Variants in CAMK2A observed in about 807,000 individuals in gnomAD.
CAMK2A encodes calcium/calmodulin dependent protein kinase II alpha, also known as calcium/calmodulin-dependent protein kinase type II subunit alpha.
Under a neutral mutation model 79.2 loss-of-function variants are expected in CAMK2A, and 7 were observed. The observed-to-expected ratio is 0.09, with a 90% CI of 0.05 to 0.17. CAMK2A has a LOEUF of 0.17. Among genes scored for constraint, CAMK2A ranks in the 10% least tolerant of loss-of-function variants. The pLI, the probability that CAMK2A is intolerant of heterozygous loss-of-function variation, is 1.00. For missense variants in CAMK2A, 214 were observed against 646.4 expected, an observed-to-expected ratio of 0.33 and a Z score of 7.25; for synonymous variants, 242 against 251.7, an observed-to-expected ratio of 0.96 and a Z score of 0.36.
intron 6 of CAMK2A, 149 bp from the exon 7 acceptor site, chr5:150,253,695 GGCT>G (rs1755933518): frequency 1.5e-6 from 1 of 656,864 alleles, no homozygotes; most frequent in Non-Finnish European, 2.7e-6. Flanking sequence ...CCCCGCCTCA[GGCT>G]CCTGAGTCTC....
intron 16 of CAMK2A, among the ~76,000 whole-genome samples, chr5:150,229,213 CCTTT>C (rs1360057199): frequency 4.6e-5 from 7 of 152,204 alleles, no homozygotes; most frequent in Non-Finnish European, 1.0e-4. Flanking sequence ...CCTGCTCTGT[CCTTT>C]CTGTTTGGGT....
chr5:150,287,937 CTGTGTGTGTGTGTGTGTG>C (rs57886187), intron 1 of CAMK2A, among the ~76,000 whole-genome samples: 2 of 140,776 alleles, frequency 1.4e-5, no homozygotes, highest in African/African-American at 5.3e-5. Flanking sequence ...AGGATAGCCT[CTGTGTGTGTGTGTGTGTG>C]TGTGTGTGTG....
At chr5:150,262,340 C>A (rs1459733569) in intron 3 of CAMK2A, among the ~76,000 whole-genome samples, 3 of 152,190 alleles carry the variant, frequency 2.0e-5, no homozygotes, top group Non-Finnish European at 4.4e-5. Context: ...TTTGAGCCCA[C>A]ATCTGTACCT....
Position 150,263,714 on chromosome 5 carries a change from G to A in CAMK2A, c.217+1242C>T, listed in dbSNP as rs80264297. ...CCTTCCACTGGAGCTGGTAGCCTCCGTAAGGACCATAAGATCTTACAGTCA... is the reference window on the plus strand; with the variant it reads ...CCTTCCACTGGAGCTGGTAGCCTCCATAAGGACCATAAGATCTTACAGTCA... On this transcript the variant is annotated intron_variant, in intron 3 of 18. Coordinates refer to ENST00000671881, the MANE Select transcript of CAMK2A (RefSeq NM_015981.4). Among the ~76,000 whole-genome samples the A allele has an allele frequency of 9.6e-3, 1,467 of 152,294 alleles. 31 individuals are homozygous for A. The highest frequency in any genetic ancestry group is 0.033 in the African/African-American group (1,359 of 41,542).
chr5:150,274,246 AG>A (rs1756865203), intron 1 of CAMK2A, among the ~76,000 whole-genome samples: 1 of 152,236 alleles, frequency 6.6e-6, no homozygotes, highest in African/African-American at 2.4e-5. Context: ...TAATTATAAG[AG>A]AACTTGGGGC....
intron 16 of CAMK2A, among the ~76,000 whole-genome samples, chr5:150,229,741 A>C (rs1754760258): frequency 6.6e-6 from 1 of 152,232 alleles, no homozygotes; most frequent in Non-Finnish European, 1.5e-5. Context: ...GATACATTCC[A>C]AGTCCATTCT....
At chr5:150,233,183 G>A (rs185848887) in intron 15 of CAMK2A, among the ~76,000 whole-genome samples, 4 of 152,324 alleles carry the variant, frequency 2.6e-5, no homozygotes, top group African/African-American at 9.6e-5. Flanking sequence ...CAGGCCATGT[G>A]CTATGTGCTT....
chr5:150,228,086 G>A lies in CAMK2A; in HGVS notation c.1237+106C>T, dbSNP rs886779989. On this transcript the variant is annotated intron_variant, in intron 17 of 18. Coordinates refer to ENST00000671881, the MANE Select transcript of CAMK2A (RefSeq NM_015981.4). ...CCACACGGGAGCTTCCTCTTCGCTG[G>A]CTCCTGAGCCGCCCCTGGGGCCCTG... 4.5e-6 allele frequency: 4 copies of A among 895,458 alleles called. No homozygotes were observed. The African/African-American group carries it at 5.0e-5, about 11-fold the overall frequency. The allele number at this position is 895,458 out of a possible 1,614,324, so 55.5% of individuals were successfully genotyped here.
Position 150,273,060 on chromosome 5 carries a change from C to A in CAMK2A, c.157+5G>T, listed in dbSNP as rs1167743096. On this transcript the variant is annotated splice_donor_5th_base_variant and intron_variant, in intron 2 of 18. Coordinates refer to ENST00000671881, the MANE Select transcript of CAMK2A (RefSeq NM_015981.4). The stretch of plus-strand genomic sequence containing the variant: ...GGGTGGGCAGGGTAGAAATCAGGCA[C>A]CTACCTCTGGCTGACAGCTTCTTTG... The A allele has an allele frequency of 6.2e-7, 1 of 1,611,772 alleles. No homozygotes were observed. Among genetic ancestry groups the A allele is most frequent in the Non-Finnish European group, 8.5e-7 (1 of 1,178,196 alleles).
In CAMK2A at chr5:150,261,681, G is replaced by A. The variant is rs145185902; in HGVS notation, c.217+3275C>T. Among the ~76,000 whole-genome samples, 16 of 152,188 alleles carry A rather than the reference G, an allele frequency of 1.1e-4. No individual in the cohort carries two copies. The East Asian group carries it at 3.1e-3, about 29-fold the overall frequency. ...GACACCATATATGTGATATCCACTT[G>A]GAAAGCTAAATAGAAGGACTGGGAA... On this transcript the variant is annotated intron_variant, in intron 3 of 18. Transcript: ENST00000671881.
chr5:150,288,986 T>C lies in CAMK2A; in HGVS notation c.62+578A>G, dbSNP rs541980048. ...CTCCCAACACCCGGGAAGCCTGTCA[T>C]GCTCAGATATTAACCCCTACTGTAC... On this transcript the variant is annotated intron_variant, in intron 1 of 18. Coordinates refer to ENST00000671881, the MANE Select transcript of CAMK2A (RefSeq NM_015981.4). 5.3e-5 allele frequency among the ~76,000 whole-genome samples: 8 copies of C among 152,288 alleles called. No homozygotes were observed. In the South Asian group the frequency reaches 1.7e-3, roughly 32 times the overall value.
chr5:150,258,767 T>C (rs552868089), intron 3 of CAMK2A, among the ~76,000 whole-genome samples: 1 of 152,342 alleles, frequency 6.6e-6, no homozygotes, highest in Admixed American at 6.5e-5. Context: ...GAATTGTTTA[T>C]GGCTGTCGTA....
intron 1 of CAMK2A, among the ~76,000 whole-genome samples, chr5:150,277,094 G>A (rs1024118905): frequency 1.3e-5 from 2 of 152,160 alleles, no homozygotes; most frequent in Non-Finnish European, 1.5e-5. Flanking sequence ...CACATCTGTG[G>A]TCCCAGCTAC....
rs536091525 is a variant in CAMK2A at position 150,245,008 on chromosome 5, G to A, written c.984+153C>T. 1.5e-4 allele frequency among the ~76,000 whole-genome samples: 23 copies of A among 152,070 alleles called. No homozygotes were observed. In the South Asian group the frequency reaches 3.5e-3, roughly 23 times the overall value. ...AACGGTGGGCACCAAAGCCTAGGTCGTGGGTCTGGAGACAGCCTGGCCACA... is the reference window on the plus strand; with the variant it reads ...AACGGTGGGCACCAAAGCCTAGGTCATGGGTCTGGAGACAGCCTGGCCACA... On this transcript the variant is annotated intron_variant, in intron 13 of 18. Transcript: ENST00000671881.
chr5:150,287,477 CTCCCTTG>C (rs1317585576), intron 1 of CAMK2A, among the ~76,000 whole-genome samples: 2 of 152,214 alleles, frequency 1.3e-5, no homozygotes, highest in Admixed American at 6.5e-5. Context: ...CACACCAGGG[CTCCCTTG>C]CCCCTGAAAT....
At chr5:150,281,244 G>C (rs568269259) in intron 1 of CAMK2A, among the ~76,000 whole-genome samples, 253 of 152,310 alleles carry the variant, frequency 1.7e-3, no homozygotes, top group Non-Finnish European at 2.9e-3. Context: ...AGATGAGCTG[G>C]GGGTATTTCA....
chr5:150,265,568 T>C (rs1202669123), intron 2 of CAMK2A, among the ~76,000 whole-genome samples: 1 of 151,998 alleles, frequency 6.6e-6, no homozygotes, highest in East Asian at 1.9e-4. Flanking sequence ...GGATATCTAG[T>C]TCCTTGAGGG....
Position 150,251,747 on chromosome 5 carries a change from C to A in CAMK2A, c.693+3G>T, listed in dbSNP as rs374825436. The A allele has an allele frequency of 1.3e-6, 2 of 1,595,084 alleles. No individual in the cohort carries two copies. The highest frequency in any genetic ancestry group is 1.7e-6 in the Non-Finnish European group (2 of 1,171,452). The stretch of plus-strand genomic sequence containing the variant: ...GGGAGCTGAAGAGAGGAGCGACACT[C>A]ACATCATAGGCGCCGGCTTTGATCT... On this transcript the variant is annotated splice_donor_region_variant and intron_variant, in intron 9 of 18. Coordinates refer to ENST00000671881, the MANE Select transcript of CAMK2A (RefSeq NM_015981.4).
chr5:150,237,371 C>T (rs1215274977), intron 15 of CAMK2A, among the ~76,000 whole-genome samples: 3 of 91,374 alleles, frequency 3.3e-5, no homozygotes, highest in African/African-American at 6.2e-5. Context: ...TTCAGAGACC[C>T]CCCCCTGCCA....
Sources: gnomAD v4.1 joint callset for allele counts (sites outside exome capture counted in the v4.1 genomes callset) on GRCh38, gnomAD v4.1.1 for gene constraint, MANE v1.5 for transcripts, NCBI Gene and HGNC (gene_info 2026-07-23, HGNC 2026-07-21) for gene names.